TNFSF4: variants seen among roughly 807,000 people sequenced by gnomAD.
TNFSF4 encodes the protein TNF superfamily member 4.
TNFSF4 carries 4 observed loss-of-function variants against 7.3 expected under a neutral mutation model. The observed-to-expected ratio is 0.55, with a 90% CI of 0.27 to 1.25. The LOEUF (loss-of-function observed/expected upper bound fraction) is 1.25. Ranked by LOEUF, TNFSF4 falls within the 50% of genes most tolerant of loss-of-function variation. TNFSF4 has a pLI of 0.12. For missense variants in TNFSF4, 181 were observed against 208.8 expected (o/e 0.87, Z 0.82); for synonymous variants, 76 against 83.7 (o/e 0.91, Z 0.50).
the TNFSF4 span, among the ~76,000 whole-genome samples, chr1:173,268,139 C>T: frequency 6.6e-6 from 1 of 151,732 alleles, no homozygotes; most frequent in African/African-American, 2.4e-5. Context: ...TTCTAGTAGA[C>T]CTACACTTAA....
the TNFSF4 span, among the ~76,000 whole-genome samples, chr1:173,419,637 G>C: frequency 6.6e-6 from 1 of 152,088 alleles, no homozygotes; most frequent in Non-Finnish European, 1.5e-5. Context: ...GTGGAAGCTG[G>C]GGGAGAGGCA....
the TNFSF4 span, among the ~76,000 whole-genome samples, chr1:173,240,528 T>G: frequency 6.6e-6 from 1 of 152,200 alleles, no homozygotes; most frequent in African/African-American, 2.4e-5. Context: ...TAAACTTAAA[T>G]TATTATTTTT....
At chr1:173,188,404 G>A (rs2101982566) in intron 2 of TNFSF4, 117 bp downstream of exon 2, 1 of 798,346 alleles carries the variant, frequency 1.3e-6, no homozygotes, top group East Asian at 2.5e-5. Context: ...GGATTTAATT[G>A]GAATTTAATT....
chr1:173,394,917 T>G, the TNFSF4 span, among the ~76,000 whole-genome samples: 3 of 143,856 alleles, frequency 2.1e-5, no homozygotes, highest in East Asian at 4.0e-4. Flanking sequence ...TTTAGATAGA[T>G]AGAGATAGAT....
At chr1:173,380,705 T>A in the TNFSF4 span, among the ~76,000 whole-genome samples, 1 of 152,026 alleles carries the variant, frequency 6.6e-6, no homozygotes, top group African/African-American at 2.4e-5. Flanking sequence ...ACAGAACAAT[T>A]TTTTCTCCAA....
At chr1:173,378,920 T>C in the TNFSF4 span, among the ~76,000 whole-genome samples, 1 of 150,218 alleles carries the variant, frequency 6.7e-6, no homozygotes, top group Non-Finnish European at 1.5e-5. Flanking sequence ...CTTCAAGCTG[T>C]AGGGGGAGGG....
At chr1:173,378,636 T>C in the TNFSF4 span, among the ~76,000 whole-genome samples, 2 of 152,182 alleles carry the variant, frequency 1.3e-5, no homozygotes, top group African/African-American at 4.8e-5. Context: ...AGCTTGATCT[T>C]TTCTGTAAGA....
the TNFSF4 span, among the ~76,000 whole-genome samples, chr1:173,292,023 C>A: frequency 6.6e-6 from 1 of 151,362 alleles, no homozygotes; most frequent in African/African-American, 2.4e-5. Flanking sequence ...AAAACCTAAA[C>A]CAGAAAAATT....
At chr1:173,355,272 T>C in the TNFSF4 span, among the ~76,000 whole-genome samples, 1 of 152,214 alleles carries the variant, frequency 6.6e-6, no homozygotes, top group Non-Finnish European at 1.5e-5. Context: ...TCCGAAGGAC[T>C]CTAATTTAAT....
the TNFSF4 span, among the ~76,000 whole-genome samples, chr1:173,244,302 C>T: frequency 8.4e-4 from 128 of 152,260 alleles, no homozygotes; most frequent in South Asian, 2.7e-3. Flanking sequence ...TTCCTAAATA[C>T]AGCTAATTAC....
chr1:173,205,208 A>G, intron 1 of TNFSF4: 1 of 1,347,460 alleles, frequency 7.4e-7, no homozygotes, highest in Non-Finnish European at 1.0e-6. Flanking sequence ...CAGAGTAGAC[A>G]GGGCATGTTT....
chr1:173,269,690 T>C, the TNFSF4 span, among the ~76,000 whole-genome samples: 14 of 152,158 alleles, frequency 9.2e-5, no homozygotes, highest in African/African-American at 3.1e-4. Flanking sequence ...TATTTCATCA[T>C]GCTACTCAGA....
At chr1:173,285,440 C>G in the TNFSF4 span, among the ~76,000 whole-genome samples, 2 of 152,110 alleles carry the variant, frequency 1.3e-5, no homozygotes, top group African/African-American at 4.8e-5. Context: ...GTTGGTAAAA[C>G]AGCAGCAAGG....
chr1:173,303,818 T>C, the TNFSF4 span, among the ~76,000 whole-genome samples: 1 of 151,892 alleles, frequency 6.6e-6, no homozygotes, highest in African/African-American at 2.4e-5. Flanking sequence ...TACATACTGT[T>C]CTCTAACCAT....
At chr1:173,250,257 A>G in the TNFSF4 span, among the ~76,000 whole-genome samples, 4 of 152,210 alleles carry the variant, frequency 2.6e-5, no homozygotes, top group African/African-American at 4.8e-5. Context: ...CATTTAACAC[A>G]TTAATAAAAT....
At chr1:173,248,510 AAGAG>A in the TNFSF4 span, among the ~76,000 whole-genome samples, 9 of 151,602 alleles carry the variant, frequency 5.9e-5, no homozygotes, top group Middle Eastern at 3.4e-3. Context: ...GAAAGAAAGA[AAGAG>A]AAAGAAGGAA....
At chr1:173,445,036 A>G in the TNFSF4 span, among the ~76,000 whole-genome samples, 1 of 152,228 alleles carries the variant, frequency 6.6e-6, no homozygotes, top group Admixed American at 6.5e-5. Flanking sequence ...ACTTCAAAGA[A>G]TAAAAGGATA....
At chr1:173,177,896 A>G in the TNFSF4 span, among the ~76,000 whole-genome samples, 1 of 152,244 alleles carries the variant, frequency 6.6e-6, no homozygotes, top group Non-Finnish European at 1.5e-5. Flanking sequence ...GTGACATTAA[A>G]GAAGTTCTCA....
chr1:173,342,135 T>C, the TNFSF4 span, among the ~76,000 whole-genome samples: 1 of 152,194 alleles, frequency 6.6e-6, no homozygotes, highest in Admixed American at 6.5e-5. Flanking sequence ...TGAGCTTGGA[T>C]GTCCCTCCAA....
Sources: allele counts gnomAD v4.1 joint callset (sites outside exome capture counted in the v4.1 genomes callset), GRCh38; gene constraint gnomAD v4.1.1; transcripts MANE v1.5; gene names NCBI Gene and HGNC (gene_info 2026-07-23, HGNC 2026-07-21).